PP2D1: variants seen among roughly 807,000 people sequenced by gnomAD.
PP2D1 encodes protein phosphatase 2C like domain containing 1.
A neutral mutation model predicts 30.2 loss-of-function variants in PP2D1; 25 were observed. That is an observed-to-expected ratio of 0.83 (90% CI 0.60 to 1.16). The LOEUF is 1.16. PP2D1 is among the 50% of genes most tolerant of loss of function. The pLI is 0.00. For synonymous variants in PP2D1, 260 were observed against 258.9 expected (o/e 1.00, Z -0.04); for missense variants, 760 against 742.4 (o/e 1.02, Z -0.28).
At chr3:19,981,600 C>T (rs953486229), downstream of PP2D1, among the ~76,000 whole-genome samples, 4 of 146,924 alleles carry the variant, frequency 2.7e-5, no homozygotes, top group South Asian at 2.2e-4. Context: ...GGTGACAGAG[C>T]GAGACTCCGC....
Position 19,986,064 on chromosome 3 carries a change from T to C in PP2D1, c.1209A>G (p.Ser403=). Residue 403 remains serine (S), a synonymous_variant, in exon 3 of 3, where the codon TCA becomes TCG. Coordinates refer to ENST00000389050, the MANE Select transcript of PP2D1 (RefSeq NM_001252657.2). ...CCTCTACAAGCCCGTATGGTTCATT[T>C]GAACTAATGACTGCTCCATTCTGAA... ...RILQNGAVIS[S]NEPYGLVEGQ... 6.5e-7 allele frequency: 1 copy of C among 1,536,126 alleles called. No homozygotes were observed.
chr3:19,997,205 A>C (rs1424490134), intron 2 of PP2D1, among the ~76,000 whole-genome samples: 1 of 136,434 alleles, frequency 7.3e-6, no homozygotes, highest in Non-Finnish European at 1.6e-5. Context: ...GAGTATGATA[A>C]ATAGCCCACC....
Position 20,001,070 on chromosome 3 carries a change from C to T in PP2D1, c.1050G>A (p.Met350Ile), listed in dbSNP as rs139796673. The T allele has an allele frequency of 7.9e-6, 11 of 1,391,506 alleles. No homozygotes were observed. The East Asian group carries it at 2.5e-4, about 32-fold the overall frequency. 86.2% of individuals were successfully genotyped at this position (1,391,506 alleles called of 1,614,324 possible). A position where few individuals can be genotyped will look rare whatever the true frequency, so the allele number is the denominator to read the frequency against. ...GLAESSPSQE[M>I]PKIISGILHV... ...GTAATATTCCAGAAATTATTTTTGG[C>T]ATCTCCTGGGAAGGGGAGCTCTCTG... Residue 350 changes from methionine (M) to isoleucine (I), a missense_variant, in exon 2 of 3, where the codon ATG (methionine) becomes ATA (isoleucine). Coordinates refer to ENST00000389050, the MANE Select transcript of PP2D1 (RefSeq NM_001252657.2).
In PP2D1 at chr3:20,009,642, C is replaced by A. The variant is rs563183994; in HGVS notation, c.23+2408G>T. Among the ~76,000 whole-genome samples the A allele has an allele frequency of 3.9e-5, 6 of 152,090 alleles. No individual in the cohort carries two copies. In the South Asian group the frequency reaches 1.0e-3, roughly 26 times the overall value. On this transcript the variant is annotated intron_variant, in intron 1 of 2. Transcript: ENST00000389050. ...TGAATCCTGTAAATTATGCAAAAAT[C>A]ACTTCTAGGAAGGAAAGCCTTCTAT...
chr3:19,999,910 T>C (rs1053994419), intron 2 of PP2D1, among the ~76,000 whole-genome samples: 1 of 152,188 alleles, frequency 6.6e-6, no homozygotes, highest in Non-Finnish European at 1.5e-5. Context: ...TGTGAGGCAG[T>C]GGACATGCAC....
At chr3:20,010,092 A>T (rs1012428950) in intron 1 of PP2D1, among the ~76,000 whole-genome samples, 7 of 151,744 alleles carry the variant, frequency 4.6e-5, no homozygotes, top group Non-Finnish European at 1.0e-4. Context: ...CATCCACCTT[A>T]TTTTATGTTA....
chr3:20,003,382 TTG>T (rs1697279088), intron 1 of PP2D1, among the ~76,000 whole-genome samples: 1 of 151,578 alleles, frequency 6.6e-6, no homozygotes, highest in Non-Finnish European at 1.5e-5. Flanking sequence ...TATTTTAGTT[TTG>T]TTTTTTTTTT....
At chr3:20,002,683 G>A (rs1697270862) in intron 1 of PP2D1, among the ~76,000 whole-genome samples, 1 of 152,210 alleles carries the variant, frequency 6.6e-6, no homozygotes, top group Non-Finnish European at 1.5e-5. Context: ...ACTTTGGGAG[G>A]CCGAAGTGGG....
chr3:19,993,694 C>T (rs960603214), intron 2 of PP2D1, among the ~76,000 whole-genome samples: 3 of 151,894 alleles, frequency 2.0e-5, no homozygotes, highest in African/African-American at 4.8e-5. Context: ...GAGCCAAGAT[C>T]GAGCCACTCT....
chr3:19,984,667 G>A (rs1312563480), downstream of PP2D1: 1 of 155,914 alleles, frequency 6.4e-6, no homozygotes, highest in African/African-American at 2.4e-5. Context: ...TAACAATTAT[G>A]TATATTCAAA....
intron 2 of PP2D1, among the ~76,000 whole-genome samples, chr3:19,989,196 A>G (rs111809024): frequency 1.3e-5 from 2 of 151,798 alleles, no homozygotes; most frequent in African/African-American, 4.8e-5. Flanking sequence ...GCCGGGCGTG[A>G]TGGTGCACAC....
chr3:19,983,658 T>C, downstream of PP2D1: 1 of 1,213,736 alleles, frequency 8.2e-7, no homozygotes, highest in Non-Finnish European at 1.2e-6. Context: ...GTGAAACTGA[T>C]ATTAATATGA....
At chr3:20,005,380 G>C (rs577735348) in intron 1 of PP2D1, among the ~76,000 whole-genome samples, 7 of 152,136 alleles carry the variant, frequency 4.6e-5, no homozygotes, top group South Asian at 2.1e-4. Context: ...TTGAACTCCC[G>C]ACCTCAGGTG....
At chr3:19,994,056 A>G (rs2948112) in intron 2 of PP2D1, among the ~76,000 whole-genome samples, 31,178 of 151,346 alleles carry the variant, frequency 0.21, 3,646 homozygotes, top group African/African-American at 0.31. Context: ...AAAAAAAAAA[A>G]TCACAGGTTT....
rs1267670525 is a variant in PP2D1, at chr3:20,002,054, T to C, written c.66A>G (p.Thr22=). The C allele has an allele frequency of 1.3e-6, 2 of 1,534,396 alleles. No homozygotes were observed. The highest frequency in any genetic ancestry group is 2.4e-5 in the South Asian group (2 of 84,038). ...GTAGAATATCCTCATCTGAATCAAA[T>C]GTTGATGTTTTCATATTCCATTCTC... ...KSREWNMKTS[T]FDSDEDILLL... The change falls in exon 2 of 3, where the codon ACA becomes ACG. Residue 22 remains threonine, a synonymous_variant. Coordinates refer to ENST00000389050, the MANE Select transcript of PP2D1 (RefSeq NM_001252657.2).
At chr3:19,998,360 A>G (rs189962222) in intron 2 of PP2D1, among the ~76,000 whole-genome samples, 1 of 152,042 alleles carries the variant, frequency 6.6e-6, no homozygotes, top group South Asian at 2.1e-4. Flanking sequence ...ACATACAGTT[A>G]GAGACAAGGA....
At chr3:19,991,657 A>G (rs1406789885) in intron 2 of PP2D1, among the ~76,000 whole-genome samples, 1 of 152,186 alleles carries the variant, frequency 6.6e-6, no homozygotes, top group Non-Finnish European at 1.5e-5. Flanking sequence ...TGTGGCCTTC[A>G]TTAGGTCACT....
intron 1 of PP2D1, among the ~76,000 whole-genome samples, chr3:20,002,872 G>A (rs1044188395): frequency 3.9e-5 from 6 of 152,112 alleles, no homozygotes; most frequent in African/African-American, 1.4e-4. Flanking sequence ...TGGCCAACAT[G>A]GTGAAACCCC....
chr3:19,990,777 T>C (rs1409402372), intron 2 of PP2D1, among the ~76,000 whole-genome samples: 1 of 139,318 alleles, frequency 7.2e-6, no homozygotes, highest in Non-Finnish European at 1.5e-5. Context: ...TTTTGCGGAG[T>C]CTTGCTCTGT....
Sources: gnomAD v4.1 joint callset for allele counts (sites outside exome capture counted in the v4.1 genomes callset) on GRCh38, gnomAD v4.1.1 for gene constraint, MANE v1.5 for transcripts, NCBI Gene and HGNC (gene_info 2026-07-23, HGNC 2026-07-21) for gene names.